The following PHLPP2 variants were observed in gnomAD, a reference collection of about 807,000 sequenced individuals.
PHLPP2 encodes the protein PH domain and leucine rich repeat protein phosphatase 2.
A neutral mutation model predicts 124.9 loss-of-function variants in PHLPP2; 66 were observed. The ratio of observed to expected loss-of-function variants is 0.53; its 90% CI spans 0.43 to 0.65. The LOEUF is 0.65. Ranked by LOEUF, PHLPP2 falls within the 30% of genes least tolerant of loss-of-function variation. The probability of loss-of-function intolerance (pLI) is 0.00; values close to 1 mark genes in which losing one functional copy is unlikely to be tolerated. For missense variants in PHLPP2, 1,685 were observed against 1,600.4 expected (o/e 1.05, Z -0.90); for synonymous variants, 681 against 624.7 (o/e 1.09, Z -1.34).
At chr16:71,667,385 T>C in intron 11 of PHLPP2, 52 bp from the exon 12 acceptor site, 1 of 1,417,778 alleles carries the variant, frequency 7.1e-7, no homozygotes. Context: ...TAAATCATTC[T>C]TTCTGAGGCT....
At chr16:71,696,257 T>G (rs1367359911) in intron 3 of PHLPP2, among the ~76,000 whole-genome samples, 1 of 152,076 alleles carries the variant, frequency 6.6e-6, no homozygotes, top group Non-Finnish European at 1.5e-5. Flanking sequence ...TTGTCAAAGG[T>G]GTAGGGAAAT....
chr16:71,670,197 G>A (rs1203357421), intron 10 of PHLPP2, among the ~76,000 whole-genome samples: 1 of 152,214 alleles, frequency 6.6e-6, no homozygotes, highest in Admixed American at 6.5e-5. Flanking sequence ...GGAATAACAA[G>A]CAGCTTGGTG....
intron 7 of PHLPP2, among the ~76,000 whole-genome samples, 168 bp from the exon 8 acceptor site, chr16:71,679,153 T>C (rs2044973986): frequency 6.6e-6 from 1 of 152,192 alleles, no homozygotes; most frequent in Non-Finnish European, 1.5e-5. Flanking sequence ...TACACACAAC[T>C]TAAACAAATG....
intron 12 of PHLPP2, among the ~76,000 whole-genome samples, 176 bp downstream of exon 12, chr16:71,667,001 CT>C (rs1567615757): frequency 6.6e-6 from 1 of 152,156 alleles, no homozygotes; most frequent in Non-Finnish European, 1.5e-5. Flanking sequence ...GAGTTACTGC[CT>C]CATAAAACAG....
At position 71,721,950 on chromosome 16, in the gene PHLPP2, C is replaced by T. The variant is rs566152017; in HGVS notation, c.-7+2379G>A. The stretch of plus-strand genomic sequence containing the variant: ...GTTATATTAGCCTTTTGAAGAATAT[C>T]TGTATTATCTGACAATAATGTTCAT... On this transcript the variant is annotated intron_variant, in intron 1 of 18. Coordinates refer to ENST00000568954, the MANE Select transcript of PHLPP2 (RefSeq NM_015020.3). Among the ~76,000 whole-genome samples, 260 of 152,172 alleles carry T rather than the reference C, an allele frequency of 1.7e-3. 3 individuals are homozygous for T. Among genetic ancestry groups the T allele is most frequent in the African/African-American group, 6.0e-3 (251 of 41,502 alleles).
chr16:71,658,488 T>C, intron 14 of PHLPP2, 125 bp from the exon 15 acceptor site: 1 of 1,197,060 alleles, frequency 8.4e-7, no homozygotes, highest in East Asian at 2.4e-5. Flanking sequence ...ATCCATTACA[T>C]AAATTCTGGT....
At chr16:71,653,889 A>C (rs2044717955) in intron 17 of PHLPP2, among the ~76,000 whole-genome samples, 1 of 152,134 alleles carries the variant, frequency 6.6e-6, no homozygotes, top group Non-Finnish European at 1.5e-5. Context: ...GTGAAACCCC[A>C]TCCCTACTAA....
intron 9 of PHLPP2, among the ~76,000 whole-genome samples, chr16:71,674,828 C>G (rs2044930997): frequency 6.6e-6 from 1 of 152,124 alleles, no homozygotes; most frequent in Non-Finnish European, 1.5e-5. Flanking sequence ...GAAACCATGT[C>G]TCTACTAAAA....
Position 71,650,045 on chromosome 16 carries a change from C to A in PHLPP2, c.2818-1G>T. On this transcript the variant is annotated splice_acceptor_variant, in intron 18 of 18. Transcript: ENST00000568954. LOFTEE classifies it high-confidence loss of function. ...AGGTTACCCCATTCACTTTGTTGTCCTACAGAAGAGCAGGACACAAATTCT... is the reference window on the plus strand; with the variant it reads ...AGGTTACCCCATTCACTTTGTTGTCATACAGAAGAGCAGGACACAAATTCT... 1 of 1,599,758 alleles carries A rather than the reference C, an allele frequency of 6.3e-7. No individual in the cohort carries two copies. Among genetic ancestry groups the A allele is most frequent in the South Asian group, 1.1e-5 (1 of 90,892 alleles).
rs889098877 is a variant in PHLPP2, at chr16:71,648,652, A to T, written c.*238T>A. ...CCGGGCATAATGGCAGGTGCCTGTA[A>T]TCCCAGCTACTCGGGAGGCTGAGAC... On this transcript the variant is annotated 3_prime_UTR_variant, in exon 19 of 19. Coordinates refer to ENST00000568954, the MANE Select transcript of PHLPP2 (RefSeq NM_015020.3). The T allele has an allele frequency of 4.0e-6, 2 of 498,460 alleles. No individual in the cohort carries two copies. The highest frequency in any genetic ancestry group is 3.8e-5 in the African/African-American group (2 of 52,322). The allele number at this position is 498,460 out of a possible 1,614,324, so 30.9% of individuals were successfully genotyped here. A position where few individuals can be genotyped will look rare whatever the true frequency, so the allele number is the denominator to read the frequency against.
rs114847787 is a variant in PHLPP2 at position 71,676,015 on chromosome 16, T to C, written c.1471+432A>G. Among the ~76,000 whole-genome samples, 778 of 151,966 alleles carry C rather than the reference T, an allele frequency of 5.1e-3. 7 individuals carry two copies. The highest frequency in any genetic ancestry group is 0.018 in the African/African-American group (752 of 41,500). ...GGATTACAGGCATGAGCCCCCATGATTGGCCACAAAATTCTCCTTTTGACT... is the reference window on the plus strand; with the variant it reads ...GGATTACAGGCATGAGCCCCCATGACTGGCCACAAAATTCTCCTTTTGACT... On this transcript the variant is annotated intron_variant, in intron 9 of 18. Transcript: ENST00000568954.
intron 18 of PHLPP2, among the ~76,000 whole-genome samples, chr16:71,652,038 C>T (rs1431550626): frequency 1.3e-5 from 2 of 152,036 alleles, no homozygotes; most frequent in African/African-American, 4.8e-5. Flanking sequence ...ACAGGTGGGC[C>T]TTCATTAAAA....
intron 6 of PHLPP2, 40 bp from the exon 7 acceptor site, chr16:71,679,575 C>T: frequency 1.3e-6 from 2 of 1,554,874 alleles, no homozygotes; most frequent in Non-Finnish European, 1.8e-6. Context: ...CATTTCAATA[C>T]ATCTATTACT....
intron 1 of PHLPP2, chr16:71,723,836 G>A (rs926752394): frequency 3.2e-6 from 4 of 1,235,274 alleles, no homozygotes; most frequent in Non-Finnish European, 4.0e-6. Flanking sequence ...GGGCTCCAGC[G>A]GGCCCGCGGG....
chr16:71,719,505 A>T (rs945310833), intron 1 of PHLPP2, among the ~76,000 whole-genome samples: 1 of 152,116 alleles, frequency 6.6e-6, no homozygotes, highest in African/African-American at 2.4e-5. Context: ...ACGCCACTGT[A>T]CTCCAGCGTG....
At chr16:71,700,051 AC>A (rs1306166165) in intron 3 of PHLPP2, among the ~76,000 whole-genome samples, 1 of 152,142 alleles carries the variant, frequency 6.6e-6, no homozygotes, top group African/African-American at 2.4e-5. Flanking sequence ...TAAATGGGGT[AC>A]CCCTGTCACA....
chr16:71,665,140 T>C (rs538178782), intron 12 of PHLPP2, among the ~76,000 whole-genome samples: 3 of 152,038 alleles, frequency 2.0e-5, no homozygotes, highest in East Asian at 3.9e-4. Context: ...AAACCTCATC[T>C]CTACTAAAAA....
intron 10 of PHLPP2, among the ~76,000 whole-genome samples, chr16:71,670,765 C>T (rs1034264948): frequency 9.0e-5 from 13 of 143,706 alleles, no homozygotes; most frequent in African/African-American, 3.4e-4. Context: ...ACAATAATGA[C>T]GACGAACAGT....
intron 2 of PHLPP2, among the ~76,000 whole-genome samples, 176 bp from the exon 3 acceptor site, chr16:71,702,907 T>G (rs758283683): frequency 6.6e-6 from 1 of 152,152 alleles, no homozygotes; most frequent in Non-Finnish European, 1.5e-5. Context: ...CTGAATCATG[T>G]ATATTGTATT....
Sources: gnomAD v4.1 joint callset for allele counts (sites outside exome capture counted in the v4.1 genomes callset) on GRCh38, gnomAD v4.1.1 for gene constraint, MANE v1.5 for transcripts, NCBI Gene and HGNC (gene_info 2026-07-23, HGNC 2026-07-21) for gene names.